EPHA6: variants seen among roughly 807,000 people sequenced by gnomAD.
EPHA6 encodes the protein EPH receptor A6.
In EPHA6, 50 loss-of-function variants were observed where a neutral mutation model predicts 112.0. The observed-to-expected ratio is 0.45, with a 90% CI of 0.36 to 0.56. The LOEUF (loss-of-function observed/expected upper bound fraction) is 0.56. Among genes scored for constraint, EPHA6 ranks in the 20% least tolerant of loss-of-function variants. The pLI, the probability that EPHA6 is intolerant of heterozygous loss-of-function variation, is 0.00. For synonymous variants in EPHA6, 529 were observed against 490.7 expected (o/e 1.08, Z -1.03); for missense variants, 1,280 against 1,417.4 (o/e 0.90, Z 1.56).
intron 10 of EPHA6, among the ~76,000 whole-genome samples, chr3:97,509,583 G>A (rs2092326951): frequency 1.3e-5 from 2 of 152,100 alleles, no homozygotes; most frequent in South Asian, 4.1e-4. Context: ...TTCCCTTTGT[G>A]GGTAGCCCGA....
chr3:97,134,519 A>T (rs2075719941), intron 3 of EPHA6, among the ~76,000 whole-genome samples: 1 of 152,146 alleles, frequency 6.6e-6, no homozygotes, highest in Non-Finnish European at 1.5e-5. Context: ...ATTCTGAAAT[A>T]TGAGACAGTA....
At chr3:97,570,041 G>T (rs1271598432) in intron 11 of EPHA6, 26 of 151,954 alleles carry the variant, frequency 1.7e-4, no homozygotes, top group Admixed American at 1.6e-3. Flanking sequence ...CTGTTGCCAG[G>T]TTGTACTACT....
intron 14 of EPHA6, among the ~76,000 whole-genome samples, chr3:97,689,863 G>A (rs145537750): frequency 6.6e-6 from 1 of 152,252 alleles, no homozygotes; most frequent in Non-Finnish European, 1.5e-5. Context: ...TCTGATGGTG[G>A]ACAAATGGGA....
chr3:97,178,624 C>A (rs1230415914), intron 3 of EPHA6, among the ~76,000 whole-genome samples: 1 of 152,052 alleles, frequency 6.6e-6, no homozygotes, highest in East Asian at 1.9e-4. Flanking sequence ...ATATACTATT[C>A]TATGATTAAA....
intron 1 of EPHA6, among the ~76,000 whole-genome samples, chr3:96,863,533 G>C (rs1320774054): frequency 6.6e-6 from 1 of 151,774 alleles, no homozygotes; most frequent in Non-Finnish European, 1.5e-5. Flanking sequence ...TTTTTAAGAG[G>C]TATCATTGCA....
At chr3:97,146,627 A>G (rs1048766770) in intron 3 of EPHA6, among the ~76,000 whole-genome samples, 1 of 152,036 alleles carries the variant, frequency 6.6e-6, no homozygotes, top group African/African-American at 2.4e-5. Context: ...TCAACTAAGC[A>G]GAAATTTTAA....
chr3:97,685,340 A>G (rs974358966), intron 14 of EPHA6, among the ~76,000 whole-genome samples: 7 of 152,200 alleles, frequency 4.6e-5, no homozygotes, highest in African/African-American at 1.7e-4. Flanking sequence ...AAGACTTTGC[A>G]TTTATTTATT....
At chr3:97,659,267 GTT>G in intron 14 of EPHA6, among the ~76,000 whole-genome samples, 1 of 152,036 alleles carries the variant, frequency 6.6e-6, no homozygotes, top group East Asian at 1.9e-4. Flanking sequence ...AAGTGAAAAA[GTT>G]TGTGTTTAGA....
chr3:97,265,745 G>A (rs2079658071), intron 5 of EPHA6, among the ~76,000 whole-genome samples: 1 of 152,222 alleles, frequency 6.6e-6, no homozygotes, highest in African/African-American at 2.4e-5. Context: ...TCCCACCGCT[G>A]CCACTGCTGC....
intron 14 of EPHA6, among the ~76,000 whole-genome samples, chr3:97,678,234 A>G (rs1452318330): frequency 6.6e-6 from 1 of 152,188 alleles, no homozygotes; most frequent in Non-Finnish European, 1.5e-5. Flanking sequence ...TGTATATGGC[A>G]TATAGGACTA....
chr3:97,324,443 TTC>T (rs1553746350), intron 5 of EPHA6, among the ~76,000 whole-genome samples: 1 of 148,292 alleles, frequency 6.7e-6, no homozygotes. Flanking sequence ...CTTTCTTTCT[TTC>T]TTTCTTTCTT....
chr3:97,179,756 TCTCTC>T (rs2076937236), intron 3 of EPHA6, among the ~76,000 whole-genome samples: 1 of 147,978 alleles, frequency 6.8e-6, no homozygotes, highest in South Asian at 2.1e-4. Context: ...TCTCTCTCTC[TCTCTC>T]CTGAACCACT....
chr3:97,498,971 G>C (rs2092051371), intron 10 of EPHA6, among the ~76,000 whole-genome samples: 1 of 152,124 alleles, frequency 6.6e-6, no homozygotes, highest in Non-Finnish European at 1.5e-5. Flanking sequence ...ATAATCAAAA[G>C]AATTGAAGGA....
intron 5 of EPHA6, among the ~76,000 whole-genome samples, chr3:97,344,782 A>G (rs1366704543): frequency 1.3e-5 from 2 of 152,158 alleles, no homozygotes; most frequent in Non-Finnish European, 2.9e-5. Flanking sequence ...TTTAATTTGC[A>G]TACTCTAATT....
chr3:96,844,205 C>G (rs1037366910), intron 1 of EPHA6, among the ~76,000 whole-genome samples: 3 of 151,920 alleles, frequency 2.0e-5, no homozygotes, highest in African/African-American at 7.2e-5. Flanking sequence ...TTGTCTTTTT[C>G]CTAAGAACAA....
intron 3 of EPHA6, among the ~76,000 whole-genome samples, chr3:97,123,331 C>T (rs2048094606): frequency 6.6e-6 from 1 of 152,044 alleles, no homozygotes. Context: ...CCTAGTTTCT[C>T]GCCTTTTTTG....
intron 10 of EPHA6, among the ~76,000 whole-genome samples, chr3:97,518,368 C>A (rs1448311651): frequency 6.6e-6 from 1 of 151,900 alleles, no homozygotes; most frequent in African/African-American, 2.4e-5. Context: ...ATATCTACTG[C>A]CATTTGTATG....
chr3:96,867,639 T>C (rs969455904), intron 2 of EPHA6, among the ~76,000 whole-genome samples: 5 of 151,894 alleles, frequency 3.3e-5, no homozygotes, highest in African/African-American at 7.2e-5. Context: ...TGTTTTCAGA[T>C]ACACTTGGGT....
At chr3:97,326,411 T>G (rs1293184713) in intron 5 of EPHA6, among the ~76,000 whole-genome samples, 1 of 151,696 alleles carries the variant, frequency 6.6e-6, no homozygotes, top group Non-Finnish European at 1.5e-5. Context: ...AATATAAATC[T>G]TATGTTTTTA....
Sources: gnomAD v4.1 joint callset for allele counts (sites outside exome capture counted in the v4.1 genomes callset) on GRCh38, gnomAD v4.1.1 for gene constraint, MANE v1.5 for transcripts, NCBI Gene and HGNC (gene_info 2026-07-23, HGNC 2026-07-21) for gene names.